Variants in CACNG7 observed in about 807,000 individuals in gnomAD.
CACNG7 encodes voltage-dependent calcium channel gamma-7 subunit.
In CACNG7, 9 loss-of-function variants were observed where a neutral mutation model predicts 26.3. That is an observed-to-expected ratio of 0.34 (90% CI 0.21 to 0.60). CACNG7 has a LOEUF of 0.60. Among genes scored for constraint, CACNG7 ranks in the 20% least tolerant of loss-of-function variants. CACNG7 has a pLI of 0.81. For missense variants in CACNG7, 297 were observed against 380.4 expected (o/e 0.78, Z 1.82); for synonymous variants, 170 against 157.0 (o/e 1.08, Z -0.62).
At chr19:53,919,566 T>A (rs61055203) in intron 4 of CACNG7, among the ~76,000 whole-genome samples, 18,877 of 131,750 alleles carry the variant, frequency 0.14, 1,912 homozygotes, top group South Asian at 0.18. Context: ...TGCCCCAGGC[T>A]GGTCATTGGT....
At chr19:53,915,309 A>T in intron 3 of CACNG7, 56 bp from the exon 4 acceptor site, 1 of 1,346,542 alleles carries the variant, frequency 7.4e-7, no homozygotes, top group Non-Finnish European at 1.1e-6. Context: ...AGGAATGGGG[A>T]AGTGTCCCAC....
At chr19:53,926,096 A>C (rs1315186148) in intron 4 of CACNG7, among the ~76,000 whole-genome samples, 2 of 152,212 alleles carry the variant, frequency 1.3e-5, no homozygotes, top group African/African-American at 4.8e-5. Flanking sequence ...ATTAAATCTC[A>C]TGTGTAGCCC....
At chr19:53,941,449 G>A in intron 4 of CACNG7, 21 bp from the exon 5 acceptor site, 2 of 1,511,894 alleles carry the variant, frequency 1.3e-6, no homozygotes, top group Non-Finnish European at 1.8e-6. Flanking sequence ...ATGGACGAGG[G>A]CACCCCCTCT....
At chr19:53,921,361 G>C (rs1453468674) in intron 4 of CACNG7, among the ~76,000 whole-genome samples, 2 of 137,162 alleles carry the variant, frequency 1.5e-5, no homozygotes, top group Admixed American at 7.3e-5. Flanking sequence ...CATTGGTGGA[G>C]TCGTCCCCAG....
intron 4 of CACNG7, among the ~76,000 whole-genome samples, chr19:53,925,964 A>G (rs2069027869): frequency 6.6e-6 from 1 of 152,158 alleles, no homozygotes; most frequent in Non-Finnish European, 1.5e-5. Flanking sequence ...AGGTCATAAG[A>G]GGCATGTGCA....
intron 1 of CACNG7, among the ~76,000 whole-genome samples, chr19:53,911,454 G>A (rs755984727): frequency 6.6e-6 from 1 of 152,186 alleles, no homozygotes; most frequent in South Asian, 2.1e-4. Flanking sequence ...TCAGCAGACT[G>A]TGAAGATGTT....
chr19:53,918,106 G>T (rs2068910310), intron 4 of CACNG7, among the ~76,000 whole-genome samples: 1 of 152,228 alleles, frequency 6.6e-6, no homozygotes, highest in Admixed American at 6.5e-5. Context: ...TGCCAAGCTT[G>T]GGGTGTATAG....
chr19:53,938,745 G>A (rs980825886), intron 4 of CACNG7, among the ~76,000 whole-genome samples: 13 of 151,992 alleles, frequency 8.6e-5, no homozygotes, highest in African/African-American at 2.7e-4. Context: ...TCAGGAGTTC[G>A]AGACCAGCCT....
At position 53,942,092 on chromosome 19, in the gene CACNG7, G is replaced by A. The variant is rs2145921841; in HGVS notation, c.627G>A (p.Met209Ile). ...LFTKRYAEEE[M>I]YRPHPAFYRP... ...CCAAGCGCTACGCGGAGGAGGAGAT[G>A]TACCGTCCACACCCGGCCTTCTACC... The change falls in exon 6 of 6, where the codon ATG (methionine) becomes ATA (isoleucine). Residue 209 changes from methionine to isoleucine, a missense_variant. Coordinates refer to ENST00000391767, the MANE Select transcript of CACNG7 (RefSeq NM_031896.5). The surrounding 1 kb of genome is among the most constrained non-coding windows in gnomAD (Gnocchi z 5.9). 6.2e-7 allele frequency: 1 copy of A among 1,613,884 alleles called. No individual in the cohort carries two copies. Among genetic ancestry groups the A allele is most frequent in the South Asian group, 1.1e-5 (1 of 91,074 alleles).
rs538496497 is a variant in CACNG7, at chr19:53,933,292, G to A, written c.425-8178G>A. On this transcript the variant is annotated intron_variant, in intron 4 of 5. Coordinates refer to ENST00000391767, the MANE Select transcript of CACNG7 (RefSeq NM_031896.5). ...ATTACAGGTGCCCGCCACCACGCCTGGCCAATTTTTTTTTTTTTTTTTTTT... is the reference window on the plus strand; with the variant it reads ...ATTACAGGTGCCCGCCACCACGCCTAGCCAATTTTTTTTTTTTTTTTTTTT... 3.4e-5 allele frequency among the ~76,000 whole-genome samples: 5 copies of A among 147,766 alleles called. No individual in the cohort carries two copies. The East Asian group carries it at 9.9e-4, about 29-fold the overall frequency.
In CACNG7 at chr19:53,912,692, C is replaced by T. The variant is rs2068868224; in HGVS notation, c.-29-111C>T. ...GCCACGGAGGTCAGATCTGAGATTT[C>T]GATTTGGGAGTCAGTGTCTCTGGCT... On this transcript the variant is annotated intron_variant, in intron 1 of 5. Coordinates refer to ENST00000391767, the MANE Select transcript of CACNG7 (RefSeq NM_031896.5). The surrounding 1 kb of genome is among the most constrained non-coding windows in gnomAD (Gnocchi z 4.6). 7 of 822,076 alleles carry T rather than the reference C, an allele frequency of 8.5e-6. No homozygotes were observed. The highest frequency in any genetic ancestry group is 4.6e-5 in the South Asian group (3 of 65,508). 50.9% of individuals were successfully genotyped at this position (822,076 alleles called of 1,614,324 possible).
At chr19:53,922,129 T>G (rs2068963195) in intron 4 of CACNG7, among the ~76,000 whole-genome samples, 1 of 115,236 alleles carries the variant, frequency 8.7e-6, no homozygotes, top group Non-Finnish European at 1.7e-5. Flanking sequence ...GCCCCAGGCC[T>G]GGTCATTGGT....
intron 5 of CACNG7, 90 bp downstream of exon 5, chr19:53,941,705 G>C: frequency 6.9e-7 from 1 of 1,447,852 alleles, no homozygotes; most frequent in Non-Finnish European, 9.4e-7. Context: ...GGAGAGGCTG[G>C]AGATGCAGAC....
In CACNG7 at chr19:53,942,005, C is replaced by T. The variant is rs1035804385; in HGVS notation, c.571-31C>T. 1.3e-6 allele frequency: 2 copies of T among 1,551,812 alleles called. No homozygotes were observed. Among genetic ancestry groups the T allele is most frequent in the Non-Finnish European group, 1.7e-6 (2 of 1,145,112 alleles). ...GGGTCCGGGGATGCGCAGGGGGGCG[C>T]CCCTGGGACTCTGACCTTGCCTTGC... On this transcript the variant is annotated intron_variant, in intron 5 of 5. Coordinates refer to ENST00000391767, the MANE Select transcript of CACNG7 (RefSeq NM_031896.5). The surrounding 1 kb of genome is among the most constrained non-coding windows in gnomAD (Gnocchi z 5.9).
intron 4 of CACNG7, among the ~76,000 whole-genome samples, chr19:53,929,122 C>CAAAAAAAAAAAAAAAAAAA (rs1297562260): frequency 2.0e-5 from 1 of 50,470 alleles, no homozygotes. Flanking sequence ...AAAAAAAAAA[C>CAAAAAAAAAAAAAAAAAAA]AAAAAAAAAA....
At chr19:53,919,590 G>GT (rs1555810263) in intron 4 of CACNG7, among the ~76,000 whole-genome samples, 2 of 135,968 alleles carry the variant, frequency 1.5e-5, no homozygotes, top group South Asian at 2.4e-4. Flanking sequence ...CTTGCCCCAG[G>GT]CTGGTCATTG....
At chr19:53,924,673 G>T (rs906529651) in intron 4 of CACNG7, among the ~76,000 whole-genome samples, 5 of 151,190 alleles carry the variant, frequency 3.3e-5, no homozygotes, top group African/African-American at 4.9e-5. Context: ...TCTGGTATTG[G>T]TGGAGTTGCC....
At chr19:53,915,577 A>C in intron 4 of CACNG7, 72 bp downstream of exon 4, 2 of 1,561,754 alleles carry the variant, frequency 1.3e-6, no homozygotes, top group Non-Finnish European at 1.8e-6. Context: ...TTTTCCACTT[A>C]GCCACTTCCT....
chr19:53,913,142 C>A, intron 2 of CACNG7, 115 bp downstream of exon 2: 1 of 941,172 alleles, frequency 1.1e-6, no homozygotes, highest in East Asian at 2.7e-5. Flanking sequence ...TCCTGATTCT[C>A]TCCTGGAAGT....
Sources: gnomAD v4.1 joint callset for allele counts (sites outside exome capture counted in the v4.1 genomes callset) on GRCh38, gnomAD v4.1.1 for gene constraint, Gnocchi (gnomAD v3.1) non-coding constraint, MANE v1.5 for transcripts, NCBI Gene and HGNC (gene_info 2026-07-23, HGNC 2026-07-21) for gene names.